UNC5D: variants seen among roughly 807,000 people sequenced by gnomAD.
The protein encoded by UNC5D is netrin receptor UNC5D.
In UNC5D, 39 loss-of-function variants were observed where a neutral mutation model predicts 105.4. The observed-to-expected ratio is 0.37, with a 90% CI of 0.29 to 0.48. The LOEUF is 0.48. UNC5D is among the 20% of genes least tolerant of loss of function. The pLI is 0.98. For synonymous variants in UNC5D, 452 were observed against 450.4 expected (o/e 1.00, Z -0.04); for missense variants, 991 against 1,202.4 (o/e 0.82, Z 2.60).
intron 1 of UNC5D, among the ~76,000 whole-genome samples, chr8:35,350,240 G>A (rs1037321205): frequency 2.0e-5 from 3 of 151,834 alleles, no homozygotes; most frequent in Non-Finnish European, 4.4e-5. Flanking sequence ...TAATTTAAGT[G>A]TCCATTAACT....
intron 1 of UNC5D, among the ~76,000 whole-genome samples, chr8:35,294,386 A>G (rs2950926): frequency 0.82 from 124,629 of 152,036 alleles, 51,549 homozygotes; most frequent in East Asian, 1. Flanking sequence ...CTAGATGCTT[A>G]TCTGCTGCCT....
chr8:35,498,583 T>C (rs1021071464), intron 1 of UNC5D, among the ~76,000 whole-genome samples: 1 of 152,098 alleles, frequency 6.6e-6, no homozygotes, highest in African/African-American at 2.4e-5. Context: ...TCCAGTGTAC[T>C]GGGAAGGAAA....
intron 1 of UNC5D, among the ~76,000 whole-genome samples, chr8:35,495,221 G>C (rs1357371984): frequency 6.6e-6 from 1 of 152,106 alleles, no homozygotes; most frequent in South Asian, 2.1e-4. Flanking sequence ...CTTCAGAACA[G>C]CAGCACAGGA....
intron 1 of UNC5D, among the ~76,000 whole-genome samples, chr8:35,288,384 A>C (rs1806777990): frequency 6.6e-6 from 1 of 152,180 alleles, no homozygotes; most frequent in African/African-American, 2.4e-5. Flanking sequence ...GGGACAAAAA[A>C]AAAACTTTCG....
intron 1 of UNC5D, among the ~76,000 whole-genome samples, chr8:35,275,085 C>T (rs948937543): frequency 4.0e-5 from 6 of 150,660 alleles, no homozygotes; most frequent in African/African-American, 1.2e-4. Context: ...AGCAAGACAA[C>T]GTCTCAAAAA....
At chr8:35,314,804 A>G (rs1809161506) in intron 1 of UNC5D, among the ~76,000 whole-genome samples, 1 of 152,184 alleles carries the variant, frequency 6.6e-6, no homozygotes, top group African/African-American at 2.4e-5. Context: ...AGCTTGTAAA[A>G]TGGTGTAGGT....
chr8:35,494,235 G>A (rs1811400051), intron 1 of UNC5D, among the ~76,000 whole-genome samples: 1 of 152,034 alleles, frequency 6.6e-6, no homozygotes, highest in African/African-American at 2.4e-5. Context: ...TGATAATAAA[G>A]TATCTGATTA....
intron 1 of UNC5D, among the ~76,000 whole-genome samples, chr8:35,268,072 T>C (rs1049655929): frequency 1.3e-5 from 2 of 152,230 alleles, no homozygotes; most frequent in Non-Finnish European, 2.9e-5. Context: ...ATGATTTTTT[T>C]GTTCCAAATA....
intron 1 of UNC5D, among the ~76,000 whole-genome samples, chr8:35,338,689 C>A (rs1811233361): frequency 6.6e-6 from 1 of 152,126 alleles, no homozygotes; most frequent in African/African-American, 2.4e-5. Flanking sequence ...CTTCCTGGCT[C>A]ACTTTTAGAC....
Position 35,340,027 on chromosome 8 carries a change from T to C in UNC5D, c.103+104140T>C, listed in dbSNP as rs138688937. Among the ~76,000 whole-genome samples, 472 of 152,280 alleles carry C rather than the reference T, an allele frequency of 3.1e-3. 6 individuals are homozygous for C. The highest frequency in any genetic ancestry group is 0.014 in the Middle Eastern group (4 of 294). On this transcript the variant is annotated intron_variant, in intron 1 of 16. Transcript: ENST00000404895. ...AGAGCTAGTTTTAAAAACTACATGA[T>C]TGCTATTTTTGCATATTATCTCACT...
At chr8:35,713,278 T>C (rs2131495645) in intron 8 of UNC5D, among the ~76,000 whole-genome samples, 1 of 152,304 alleles carries the variant, frequency 6.6e-6, no homozygotes, top group East Asian at 1.9e-4. Context: ...AATGTGAATC[T>C]ACAAGCTGAA....
Position 35,544,413 on chromosome 8 carries a change from A to T in UNC5D, c.104-4879A>T, listed in dbSNP as rs552723214. On this transcript the variant is annotated intron_variant, in intron 1 of 16. Coordinates refer to ENST00000404895, the MANE Select transcript of UNC5D (RefSeq NM_080872.4). ...AGCGTTAAATAAGTAGGGATTGTTT[A>T]AAAAAAAAAGCTGTAATATGTTATC... 3.0e-4 allele frequency: 403 copies of T among 1,335,194 alleles called. 1 individual carries two copies. In the African/African-American group the frequency reaches 4.3e-3, roughly 14 times the overall value. 82.7% of individuals were successfully genotyped at this position (1,335,194 alleles called of 1,614,324 possible).
chr8:35,245,532 G>A (rs1300542950), intron 1 of UNC5D, among the ~76,000 whole-genome samples: 4 of 152,126 alleles, frequency 2.6e-5, no homozygotes, highest in Non-Finnish European at 5.9e-5. Flanking sequence ...TTGTCAGTGT[G>A]AGGTGTGTGG....
chr8:35,582,385 A>T (rs913080221), intron 3 of UNC5D, among the ~76,000 whole-genome samples: 17 of 151,810 alleles, frequency 1.1e-4, no homozygotes, highest in Non-Finnish European at 2.9e-5. Context: ...TTTATTTTTT[A>T]AAAAATATAG....
intron 4 of UNC5D, among the ~76,000 whole-genome samples, chr8:35,679,531 C>A (rs896917579): frequency 1.3e-5 from 2 of 152,102 alleles, no homozygotes; most frequent in African/African-American, 4.8e-5. Flanking sequence ...ATGGCTAAAG[C>A]TCGAGGCTCT....
intron 1 of UNC5D, among the ~76,000 whole-genome samples, chr8:35,381,616 T>A (rs1382094721): frequency 6.6e-6 from 1 of 152,210 alleles, no homozygotes; most frequent in African/African-American, 2.4e-5. Context: ...CTTTTAAGTT[T>A]CATTAGTGTC....
At chr8:35,480,308 C>T (rs1166700922) in intron 1 of UNC5D, among the ~76,000 whole-genome samples, 1 of 152,112 alleles carries the variant, frequency 6.6e-6, no homozygotes, top group African/African-American at 2.4e-5. Context: ...GAAAAGTCTG[C>T]TAACTTAAAT....
chr8:35,494,835 T>G (rs1811444384), intron 1 of UNC5D, among the ~76,000 whole-genome samples: 1 of 152,238 alleles, frequency 6.6e-6, no homozygotes, highest in Admixed American at 6.5e-5. Context: ...GAAAAAGGAC[T>G]TTTATTTGCT....
chr8:35,398,811 T>C (rs771647519), intron 1 of UNC5D, among the ~76,000 whole-genome samples: 4 of 152,136 alleles, frequency 2.6e-5, no homozygotes, highest in African/African-American at 7.2e-5. Context: ...TCAAATTTCA[T>C]TTCATTCTTT....
Sources: gnomAD v4.1 joint callset for allele counts (sites outside exome capture counted in the v4.1 genomes callset) on GRCh38, gnomAD v4.1.1 for gene constraint, MANE v1.5 for transcripts, NCBI Gene and HGNC (gene_info 2026-07-23, HGNC 2026-07-21) for gene names.